The following INSR variants were observed in gnomAD, a reference collection of about 807,000 sequenced individuals.
INSR encodes IR.
A neutral mutation model predicts 142.6 loss-of-function variants in INSR; 67 were observed. The observed-to-expected ratio is 0.47, with a 90% CI of 0.39 to 0.58. The LOEUF (loss-of-function observed/expected upper bound fraction) is 0.58. Ranked by LOEUF, INSR falls within the 20% of genes least tolerant of loss-of-function variation. The pLI, the probability that INSR is intolerant of heterozygous loss-of-function variation, is 0.00. For missense variants in INSR, 1,248 were observed against 1,833.2 expected, an observed-to-expected ratio of 0.68 and a Z score of 5.83; for synonymous variants, 756 against 743.1, an observed-to-expected ratio of 1.02 and a Z score of -0.28.
chr19:7,151,388 G>A (rs577413814), intron 10 of INSR, among the ~76,000 whole-genome samples: 2 of 150,356 alleles, frequency 1.3e-5, no homozygotes, highest in South Asian at 2.1e-4. Flanking sequence ...CAATTCTCCC[G>A]CCTCAGCCTC....
rs1973927844 is a variant in INSR at position 7,168,036 on chromosome 19, C to A, written c.1542G>T (p.Leu514=). ...CGGGGGGCCAGTACGGCTCCCATCTCAGCAAGATCTTGTCAAAAGATGTCC... is the reference window on the plus strand; with the variant it reads ...CGGGGGGCCAGTACGGCTCCCATCTAAGCAAGATCTTGTCAAAAGATGTCC... The part of the protein sequence containing the change: ...YIRTSFDKIL[L]RWEPYWPPDF... The change falls in exon 7 of 22, where the codon CTG becomes CTT. Residue 514 remains leucine, a synonymous_variant. Coordinates refer to ENST00000302850, the MANE Select transcript of INSR (RefSeq NM_000208.4). This position sits in a 1 kb window ranked among gnomAD's most constrained non-coding sequence, Gnocchi z 4.3. 6.2e-7 allele frequency: 1 copy of A among 1,613,948 alleles called. No individual in the cohort carries two copies. The highest frequency in any genetic ancestry group is 8.5e-7 in the Non-Finnish European group (1 of 1,179,992).
At chr19:7,141,595 G>T (rs1973070031) in intron 13 of INSR, 82 bp downstream of exon 13, 4 of 1,584,018 alleles carry the variant, frequency 2.5e-6, no homozygotes, top group South Asian at 2.3e-5. Flanking sequence ...CAAAATTTCA[G>T]CAGAGGAAGG....
intron 2 of INSR, among the ~76,000 whole-genome samples, chr19:7,198,370 G>C (rs1434782700): frequency 6.6e-6 from 1 of 152,094 alleles, no homozygotes; most frequent in East Asian, 1.9e-4. Context: ...GCCCCTCGTG[G>C]CTGCAGACCC....
chr19:7,193,969 G>GAT (rs376338027), intron 2 of INSR, among the ~76,000 whole-genome samples: 112,823 of 151,758 alleles, frequency 0.74, 42,182 homozygotes, highest in African/African-American at 0.8. Context: ...CCCAAACTGG[G>GAT]CATAGGCGTA....
At position 7,184,357 on chromosome 19, in the gene INSR, G is replaced by A. The variant is rs1362003851; in HGVS notation, c.933C>T (p.Cys311=). Residue 311 remains cysteine, a synonymous_variant, in exon 3 of 22, where the codon TGC becomes TGT. Transcript: ENST00000302850. ...CHQYVIHNNK[C]IPECPSGYTM... ...TGTACCCGGAGGGACACTCAGGGAT[G>A]CACTTGTTGTTGTGAATGACGTACT... is the stretch of plus-strand genomic sequence containing the variant. 6.2e-7 allele frequency: 1 copy of A among 1,614,066 alleles called. No individual in the cohort carries two copies. The highest frequency in any genetic ancestry group is 1.7e-4 in the Middle Eastern group (1 of 6,030).
chr19:7,254,108 CT>C (rs1312971954), intron 2 of INSR, among the ~76,000 whole-genome samples: 2 of 151,792 alleles, frequency 1.3e-5, no homozygotes, highest in East Asian at 1.9e-4. Context: ...TGGCTGACAC[CT>C]GTAATCCTAA....
At chr19:7,204,693 G>A (rs571294175) in intron 2 of INSR, among the ~76,000 whole-genome samples, 19 of 145,762 alleles carry the variant, frequency 1.3e-4, no homozygotes, top group Non-Finnish European at 2.7e-4. Flanking sequence ...TTATGCTACT[G>A]AGCCCTGGCA....
At chr19:7,261,538 T>C (rs1977063424) in intron 2 of INSR, among the ~76,000 whole-genome samples, 3 of 150,978 alleles carry the variant, frequency 2.0e-5, no homozygotes, top group Non-Finnish European at 4.4e-5. Flanking sequence ...CATTTTTTTT[T>C]CTTTTTTTAA....
intron 1 of INSR, among the ~76,000 whole-genome samples, chr19:7,283,431 G>A (rs561635142): frequency 1.3e-5 from 2 of 152,200 alleles, no homozygotes; most frequent in African/African-American, 4.8e-5. Context: ...CAAACCCACA[G>A]TTTTGTTTGG....
At chr19:7,234,854 C>T (rs1189648506) in intron 2 of INSR, among the ~76,000 whole-genome samples, 1 of 151,980 alleles carries the variant, frequency 6.6e-6, no homozygotes, top group South Asian at 2.1e-4. Context: ...GTCAGGAGAT[C>T]GACACCATCC....
At chr19:7,197,328 G>A (rs546935304) in intron 2 of INSR, among the ~76,000 whole-genome samples, 76 of 152,006 alleles carry the variant, frequency 5.0e-4, no homozygotes, top group Non-Finnish European at 9.9e-4. Flanking sequence ...GAGAGAGTGA[G>A]TGAGTGAGTA....
At chr19:7,210,592 A>G (rs958102385) in intron 2 of INSR, among the ~76,000 whole-genome samples, 3 of 152,118 alleles carry the variant, frequency 2.0e-5, no homozygotes, top group African/African-American at 7.2e-5. Flanking sequence ...TGGGCTGGGA[A>G]AAACTATGCA....
intron 15 of INSR, among the ~76,000 whole-genome samples, chr19:7,126,897 TTTG>T (rs914014653): frequency 1.3e-5 from 2 of 152,000 alleles, no homozygotes; most frequent in African/African-American, 4.8e-5. Flanking sequence ...TTGTTTTGTT[TTTG>T]TTTTTGTTTT....
chr19:7,140,779 T>TG (rs1354136381), intron 13 of INSR, among the ~76,000 whole-genome samples: 1 of 152,004 alleles, frequency 6.6e-6, no homozygotes, highest in African/African-American at 2.4e-5. Context: ...GGCCCTTTTT[T>TG]TTTTTTTGCC....
At chr19:7,238,853 A>G (rs943204545) in intron 2 of INSR, among the ~76,000 whole-genome samples, 1 of 150,960 alleles carries the variant, frequency 6.6e-6, no homozygotes, top group Non-Finnish European at 1.5e-5. Flanking sequence ...TGTGTCCCCA[A>G]AACTTGGGCA....
intron 2 of INSR, among the ~76,000 whole-genome samples, chr19:7,241,943 C>G (rs1036624945): frequency 6.6e-6 from 1 of 151,782 alleles, no homozygotes; most frequent in African/African-American, 2.4e-5. Flanking sequence ...GATCACTGGA[C>G]GTCAGGAGTT....
At position 7,185,550 on chromosome 19, in the gene INSR, C is replaced by G. The variant is rs1369234107; in HGVS notation, c.653-913G>C. On this transcript the variant is annotated intron_variant, in intron 2 of 21. Coordinates refer to ENST00000302850, the MANE Select transcript of INSR (RefSeq NM_000208.4). ...GGAGGAGACATGTTAGTTACTTAAACATGCAAATGTGGCTCGGTGTGGTGG... is the reference window on the plus strand; with the variant it reads ...GGAGGAGACATGTTAGTTACTTAAAGATGCAAATGTGGCTCGGTGTGGTGG... 2.6e-5 allele frequency among the ~76,000 whole-genome samples: 4 copies of G among 152,136 alleles called. No individual in the cohort carries two copies. In the East Asian group the frequency reaches 5.8e-4, roughly 22 times the overall value.
At chr19:7,240,742 C>T (rs1024143015) in intron 2 of INSR, among the ~76,000 whole-genome samples, 1 of 152,136 alleles carries the variant, frequency 6.6e-6, no homozygotes, top group African/African-American at 2.4e-5. Context: ...CATTCCTGAC[C>T]TCTTGTGACA....
intron 5 of INSR, 83 bp from the exon 6 acceptor site, chr19:7,170,834 T>A (rs1599941787): frequency 2.8e-6 from 3 of 1,054,662 alleles, no homozygotes; most frequent in Non-Finnish European, 4.5e-6. Flanking sequence ...TCGGAGTTGA[T>A]CTTGTTCAGT....
Sources: gnomAD v4.1 joint callset for allele counts (sites outside exome capture counted in the v4.1 genomes callset) on GRCh38, gnomAD v4.1.1 for gene constraint, Gnocchi (gnomAD v3.1) non-coding constraint, MANE v1.5 for transcripts, NCBI Gene and HGNC (gene_info 2026-07-23, HGNC 2026-07-21) for gene names.